Variants in WASHC3 observed in about 807,000 individuals in gnomAD.
WASHC3 encodes the protein WASH complex subunit 3.
WASHC3 carries 24 observed loss-of-function variants against 26.1 expected under a neutral mutation model. That is an observed-to-expected ratio of 0.92 (90% CI 0.66 to 1.29). The LOEUF (loss-of-function observed/expected upper bound fraction) is 1.29, where lower values mean the gene tolerates loss of function less well. Ranked by LOEUF, WASHC3 falls within the 50% of genes most tolerant of loss-of-function variation. The probability of loss-of-function intolerance (pLI) is 0.00; values close to 1 mark genes in which losing one functional copy is unlikely to be tolerated. For synonymous variants in WASHC3, 77 were observed against 75.7 expected (o/e 1.02, Z -0.09); for missense variants, 214 against 229.6 (o/e 0.93, Z 0.44).
At chr12:102,060,783 C>A (rs1385981261) in intron 2 of WASHC3, among the ~76,000 whole-genome samples, 2 of 151,720 alleles carry the variant, frequency 1.3e-5, no homozygotes, top group African/African-American at 4.8e-5. Context: ...TGTTGGAACC[C>A]CGTTTCTACT....
At chr12:102,051,480 G>GCA (rs539356644) in intron 2 of WASHC3, among the ~76,000 whole-genome samples, 260 of 152,298 alleles carry the variant, frequency 1.7e-3, no homozygotes, top group African/African-American at 6.0e-3. Flanking sequence ...AACAGACATA[G>GCA]CATAGCAAAG....
chr12:102,048,559 G>A (rs932267866), intron 2 of WASHC3, among the ~76,000 whole-genome samples: 1 of 150,656 alleles, frequency 6.6e-6, no homozygotes, highest in Non-Finnish European at 1.5e-5. Flanking sequence ...GTGAGACTCC[G>A]TCTCAAAAGA....
chr12:102,013,531 G>A (rs888911968), intron 6 of WASHC3, among the ~76,000 whole-genome samples: 4 of 152,274 alleles, frequency 2.6e-5, no homozygotes, highest in Middle Eastern at 3.4e-3. Context: ...AGTCCCTGAA[G>A]CTTCCAAGTG....
At chr12:102,061,399 A>C (rs1878806766) in intron 1 of WASHC3, 53 bp from the exon 2 acceptor site, 1 of 1,168,910 alleles carries the variant, frequency 8.6e-7, no homozygotes, top group East Asian at 2.4e-5. Context: ...TACACAGTGC[A>C]AATCTTTTCA....
intron 5 of WASHC3, among the ~76,000 whole-genome samples, chr12:102,029,906 G>A (rs187384779): frequency 5.3e-5 from 8 of 152,244 alleles, no homozygotes; most frequent in South Asian, 2.1e-4. Context: ...AAGGCAGCTA[G>A]TCCCCCAATC....
At chr12:102,061,997 C>G, upstream of WASHC3, 1 of 1,566,372 alleles carries the variant, frequency 6.4e-7, no homozygotes, top group East Asian at 2.3e-5. Context: ...AGTTCACCCA[C>G]AAACCCCTCC....
chr12:102,045,557 G>A (rs944966203), intron 3 of WASHC3, among the ~76,000 whole-genome samples: 3 of 152,072 alleles, frequency 2.0e-5, no homozygotes, highest in Non-Finnish European at 2.9e-5. Context: ...AAATCTTTAA[G>A]CTTGCAATCT....
intron 6 of WASHC3, chr12:102,017,644 T>C (rs921215856): frequency 2.2e-5 from 7 of 319,230 alleles, no homozygotes; most frequent in South Asian, 1.3e-4. Context: ...GCAGGAGCAA[T>C]AGGTGGAAAC....
chr12:102,061,141 C>A, intron 2 of WASHC3, 107 bp downstream of exon 2: 2 of 724,836 alleles, frequency 2.8e-6, no homozygotes, highest in South Asian at 1.7e-5. Context: ...GATGAGAGGT[C>A]ACGGTACATG....
chr12:102,045,095 GA>G (rs2136674530), intron 3 of WASHC3, among the ~76,000 whole-genome samples: 1 of 151,534 alleles, frequency 6.6e-6, no homozygotes, highest in South Asian at 2.1e-4. Flanking sequence ...TCATTATAAA[GA>G]ATAATAATTA....
chr12:102,050,749 A>AT, intron 2 of WASHC3: 1 of 362,144 alleles, frequency 2.8e-6, no homozygotes, highest in Non-Finnish European at 5.5e-6. Context: ...AAAATTCACT[A>AT]TAAGGTTAAA....
intron 5 of WASHC3, among the ~76,000 whole-genome samples, chr12:102,034,905 A>ACT (rs923000408): frequency 7.9e-5 from 12 of 151,952 alleles, no homozygotes; most frequent in African/African-American, 2.9e-4. Flanking sequence ...GTGTATGAGA[A>ACT]CTGGCATTTC....
chr12:102,050,692 CA>C, intron 2 of WASHC3: 2 of 416,060 alleles, frequency 4.8e-6, no homozygotes, highest in Non-Finnish European at 9.5e-6. Flanking sequence ...AACAAAAAAC[CA>C]AAGTAACACA....
intron 2 of WASHC3, among the ~76,000 whole-genome samples, chr12:102,058,892 T>C (rs1412925272): frequency 2.0e-5 from 3 of 152,178 alleles, no homozygotes; most frequent in Non-Finnish European, 4.4e-5. Flanking sequence ...AATCCTGTCA[T>C]TTGTGACAAC....
intron 6 of WASHC3, among the ~76,000 whole-genome samples, chr12:102,018,047 T>C (rs1488435130): frequency 4.6e-5 from 7 of 152,202 alleles, no homozygotes. Flanking sequence ...CTCATACAAG[T>C]GGAATCATAA....
At chr12:102,032,093 C>T (rs901013796) in intron 5 of WASHC3, among the ~76,000 whole-genome samples, 2 of 152,138 alleles carry the variant, frequency 1.3e-5, no homozygotes, top group African/African-American at 4.8e-5. Flanking sequence ...AAGGTGCATA[C>T]CTTCTTGATG....
chr12:102,061,397 G>T, intron 1 of WASHC3, 51 bp from the exon 2 acceptor site: 1 of 1,201,702 alleles, frequency 8.3e-7, no homozygotes, highest in Non-Finnish European at 1.2e-6. Flanking sequence ...CGTACACAGT[G>T]CAAATCTTTT....
At chr12:102,054,723 T>C (rs1350738662) in intron 2 of WASHC3, among the ~76,000 whole-genome samples, 1 of 152,206 alleles carries the variant, frequency 6.6e-6, no homozygotes, top group Non-Finnish European at 1.5e-5. Flanking sequence ...TTTCTGACCA[T>C]ATTGGTTTGA....
chr12:102,025,593 CT>C (rs1210725517), intron 6 of WASHC3, among the ~76,000 whole-genome samples: 112 of 141,242 alleles, frequency 7.9e-4, no homozygotes, highest in African/African-American at 2.8e-3. Context: ...CATCTACCCC[CT>C]GGTACATAAT....
Sources: gnomAD v4.1 joint callset for allele counts (sites outside exome capture counted in the v4.1 genomes callset) on GRCh38, gnomAD v4.1.1 for gene constraint, MANE v1.5 for transcripts, NCBI Gene and HGNC (gene_info 2026-07-23, HGNC 2026-07-21) for gene names.